The following NT5C1A variants were observed in gnomAD, a reference collection of about 807,000 sequenced individuals.
NT5C1A encodes the protein cytosolic 5'-nucleotidase 1A.
NT5C1A carries 18 observed loss-of-function variants against 31.0 expected under a neutral mutation model. The observed-to-expected ratio is 0.58, with a 90% CI of 0.40 to 0.86. The LOEUF is 0.86. Ranked by LOEUF, NT5C1A falls within the 40% of genes least tolerant of loss-of-function variation. The pLI is 0.00. For synonymous variants in NT5C1A, 185 were observed against 203.6 expected (o/e 0.91, Z 0.78); for missense variants, 470 against 505.4 (o/e 0.93, Z 0.67).
At chr1:39,669,146 G>A (rs984325740) in intron 1 of NT5C1A, among the ~76,000 whole-genome samples, 1 of 152,186 alleles carries the variant, frequency 6.6e-6, no homozygotes, top group Non-Finnish European at 1.5e-5. Flanking sequence ...TGGGAGCTCT[G>A]AGCTCCAGGA....
At position 39,656,741 on chromosome 1, in the gene NT5C1A, T is replaced by C. The variant is rs1330944250; in HGVS notation, c.*2380A>G. On this transcript the variant is annotated 3_prime_UTR_variant, in exon 6 of 6. Coordinates refer to ENST00000235628, the MANE Select transcript of NT5C1A (RefSeq NM_032526.3). ...CTGGTCAGTCAGCCTGTTGCCATGC[T>C]GTGAGCCTGGGCTGTGCCCGGCCTT... Among the ~76,000 whole-genome samples, 1 of 152,262 alleles carries C rather than the reference T, an allele frequency of 6.6e-6. No individual in the cohort carries two copies. Among genetic ancestry groups the C allele is most frequent in the Non-Finnish European group, 1.5e-5 (1 of 68,046 alleles).
intron 3 of NT5C1A, 65 bp downstream of exon 3, chr1:39,665,456 C>G: frequency 6.6e-7 from 1 of 1,508,120 alleles, no homozygotes; most frequent in South Asian, 1.3e-5. Context: ...AGGTGTGGCC[C>G]CATCCCTGGG....
intron 3 of NT5C1A, among the ~76,000 whole-genome samples, chr1:39,664,441 T>C (rs559723411): frequency 1.0e-4 from 14 of 135,880 alleles, no homozygotes; most frequent in South Asian, 2.7e-4. Flanking sequence ...CCACCGTGCC[T>C]GGCCAGGTGT....
intron 1 of NT5C1A, among the ~76,000 whole-genome samples, chr1:39,669,911 G>C (rs1170578570): frequency 1.3e-5 from 2 of 152,126 alleles, no homozygotes; most frequent in Non-Finnish European, 2.9e-5. Flanking sequence ...TTAATCCCCT[G>C]ATGAAAAATC....
rs368249233 is a variant in NT5C1A, at chr1:39,656,694, G to A, written c.*2427C>T. 1.3e-4 allele frequency among the ~76,000 whole-genome samples: 20 copies of A among 152,372 alleles called. 1 individual carries two copies. The highest frequency in any genetic ancestry group is 9.1e-4 in the Admixed American group (14 of 15,310). On this transcript the variant is annotated 3_prime_UTR_variant, in exon 6 of 6. Transcript: ENST00000235628. ...TCTTAATTAGGTGACATCTGGTGCCGTCCCCAGTGCACAGGTCCACCCTGG... is the reference window on the plus strand; with the variant it reads ...TCTTAATTAGGTGACATCTGGTGCCATCCCCAGTGCACAGGTCCACCCTGG...
intron 5 of NT5C1A, among the ~76,000 whole-genome samples, chr1:39,660,658 A>G (rs2124151227): frequency 6.6e-6 from 1 of 152,118 alleles, no homozygotes; most frequent in Non-Finnish European, 1.5e-5. Flanking sequence ...GATCTCAGGG[A>G]GGAAGTGAGG....
Position 39,663,235 on chromosome 1 carries a change from A to G in NT5C1A, c.556+77T>C. The G allele has an allele frequency of 1.9e-6, 3 of 1,568,918 alleles. No individual in the cohort carries two copies. In the Admixed American group the frequency reaches 5.1e-5, roughly 27 times the overall value. On this transcript the variant is annotated intron_variant, in intron 4 of 5. Transcript: ENST00000235628. ...ATGGCAACTCCCAGCACCTGCTCGG[A>G]ACTTCAGGACCAGGCCTCCCACCTC...
Position 39,659,396 on chromosome 1 carries a change from A to C in NT5C1A, c.832T>G (p.Tyr278Asp), listed in dbSNP as rs770184906. ...GLRLECPIRT[Y>D]LVTARSAASS... The stretch of plus-strand genomic sequence containing the variant: ...GCTGCACTGCGTGCTGTCACCAAGT[A>C]GGTACGAATTGGGCACTCCAGCCGC... Residue 278 changes from tyrosine to aspartate, a missense_variant, in exon 6 of 6, where the codon TAC (tyrosine) becomes GAC (aspartate). Transcript: ENST00000235628. 6.2e-7 allele frequency: 1 copy of C among 1,613,684 alleles called. No individual in the cohort carries two copies. The highest frequency in any genetic ancestry group is 2.2e-5 in the East Asian group (1 of 44,872).
intron 1 of NT5C1A, among the ~76,000 whole-genome samples, chr1:39,668,542 G>C (rs1403696322): frequency 6.6e-6 from 1 of 152,190 alleles, no homozygotes; most frequent in Admixed American, 6.5e-5. Flanking sequence ...GGCCCAGAAA[G>C]GGGCCTGTTA....
In NT5C1A at chr1:39,657,991, G is replaced by A. The variant is rs976818280; in HGVS notation, c.*1130C>T. Among the ~76,000 whole-genome samples the A allele has an allele frequency of 9.9e-5, 15 of 152,182 alleles. No individual in the cohort carries two copies. The highest frequency in any genetic ancestry group is 2.9e-4 in the African/African-American group (12 of 41,446). On this transcript the variant is annotated 3_prime_UTR_variant, in exon 6 of 6. Transcript: ENST00000235628. Reference sequence around the variant, plus strand: ...TGGACAACCGCCTACCTCAGCCACTGCACTTTCTTCCCCTAGAATTGAGGC... The same window carrying A: ...TGGACAACCGCCTACCTCAGCCACTACACTTTCTTCCCCTAGAATTGAGGC...
At position 39,659,365 on chromosome 1, in the gene NT5C1A, G is replaced by T; in HGVS notation, c.863C>A (p.Ser288Tyr). The T allele has an allele frequency of 6.2e-7, 1 of 1,613,826 alleles. No individual in the cohort carries two copies. The highest frequency in any genetic ancestry group is 8.5e-7 in the Non-Finnish European group (1 of 1,180,024). Residue 288 changes from serine (S) to tyrosine (Y), a missense_variant, in exon 6 of 6, where the codon TCC becomes TAC. Physicochemically the swap from Ser to Tyr is moderately radical, Grantham distance 144 (BLOSUM62 -2). Transcript: ENST00000235628. ...CAGGGTCTTGAGAGCCCGGGCCCCG[G>T]AACTGGCTGCACTGCGTGCTGTCAC... ...YLVTARSAAS[S>Y]GARALKTLRS... is the part of the protein sequence containing the mutation.
chr1:39,664,490 C>CCTCCTCCTCTCCTCTCCTCTCCT (rs1553485420), intron 3 of NT5C1A, among the ~76,000 whole-genome samples: 4 of 2,900 alleles, frequency 1.4e-3, no homozygotes, highest in South Asian at 0.021. Context: ...GTGGATTTCT[C>CCTCCTCCTCTCCTCTCCTCTCCT]CTCCTCTCCT....
rs199831335 is a variant in NT5C1A, at chr1:39,671,925, C to A, written c.114G>T (p.Ala38=). 27 of 1,613,408 alleles carry A rather than the reference C, an allele frequency of 1.7e-5. No individual in the cohort carries two copies. Among genetic ancestry groups the A allele is most frequent in the Non-Finnish European group, 2.3e-5 (27 of 1,179,904 alleles). The change falls in exon 1 of 6, where the codon GCG becomes GCT. Residue 38 remains alanine, a synonymous_variant. Transcript: ENST00000235628. ...EEAKIFYDNL[A]PKKKPKSPKP... ...TTACCGATTTGGGTTTCTTCTTGGG[C>A]GCGAGGTTGTCGTAGAAAATCTTGG...
intron 3 of NT5C1A, 86 bp downstream of exon 3, chr1:39,665,435 C>T (rs1403497883): frequency 7.2e-7 from 1 of 1,388,448 alleles, no homozygotes; most frequent in East Asian, 2.5e-5. Flanking sequence ...CAGTACAACT[C>T]CATCCTGCAG....
In NT5C1A at chr1:39,655,790, G is replaced by A. The variant is rs953865747; in HGVS notation, c.*3331C>T. 6.6e-6 allele frequency among the ~76,000 whole-genome samples: 1 copy of A among 151,590 alleles called. No homozygotes were observed. The highest frequency in any genetic ancestry group is 2.4e-5 in the African/African-American group (1 of 41,278). On this transcript the variant is annotated 3_prime_UTR_variant, in exon 6 of 6. Transcript: ENST00000235628. The stretch of plus-strand genomic sequence containing the variant: ...ATTGTGGGAAAATGGAGCGCTCACA[G>A]TGGAAAGGTCAGCTGAGGCCACGAG...
intron 1 of NT5C1A, 103 bp downstream of exon 1, chr1:39,671,801 C>T (rs1646553561): frequency 7.2e-7 from 1 of 1,383,662 alleles, no homozygotes; most frequent in East Asian, 2.4e-5. Flanking sequence ...GGAGCTGCGT[C>T]CCCTCCCAGA....
Position 39,662,430 on chromosome 1 carries a change from A to T in NT5C1A, c.556+882T>A, listed in dbSNP as rs535246266. On this transcript the variant is annotated intron_variant, in intron 4 of 5. Transcript: ENST00000235628. Reference sequence around the variant, plus strand: ...GTTACAAACACACAGAGGCACACCTACATGCCAGTGCCAAGGCCCCAACCA... The same window carrying T: ...GTTACAAACACACAGAGGCACACCTTCATGCCAGTGCCAAGGCCCCAACCA... Among the ~76,000 whole-genome samples the T allele has an allele frequency of 7.3e-4, 111 of 152,302 alleles. 2 individuals carry two copies. Among genetic ancestry groups the T allele is most frequent in the Non-Finnish European group, 8.1e-4 (55 of 68,016 alleles).
chr1:39,659,808 CAG>C (rs1646483911), intron 5 of NT5C1A, among the ~76,000 whole-genome samples: 2 of 152,164 alleles, frequency 1.3e-5, no homozygotes, highest in Admixed American at 1.3e-4. Flanking sequence ...TGCCCATCAA[CAG>C]GGGGGATATT....
intron 2 of NT5C1A, among the ~76,000 whole-genome samples, 196 bp from the exon 3 acceptor site, chr1:39,665,846 C>T (rs1371278567): frequency 5.3e-5 from 8 of 152,278 alleles, no homozygotes; most frequent in South Asian, 2.1e-4. Flanking sequence ...AAATCCAGCC[C>T]GCATTCCACT....
Sources: allele counts gnomAD v4.1 joint callset (sites outside exome capture counted in the v4.1 genomes callset), GRCh38; gene constraint gnomAD v4.1.1; transcripts MANE v1.5; gene names NCBI Gene and HGNC (gene_info 2026-07-23, HGNC 2026-07-21).